The following NCBP2 variants were observed in gnomAD, a reference collection of about 807,000 sequenced individuals.
The protein encoded by NCBP2 is nuclear cap binding protein subunit 2, also known as nuclear cap-binding protein subunit 2.
Under a neutral mutation model 21.5 loss-of-function variants are expected in NCBP2, and 8 were observed. That is an observed-to-expected ratio of 0.37 (90% CI 0.22 to 0.67). The LOEUF is 0.67. Among genes scored for constraint, NCBP2 ranks in the 30% least tolerant of loss-of-function variants. NCBP2 has a pLI of 0.56. For missense variants in NCBP2, 127 were observed against 206.9 expected, an observed-to-expected ratio of 0.61 and a Z score of 2.37; for synonymous variants, 92 against 75.8, an observed-to-expected ratio of 1.21 and a Z score of -1.11.
intron 1 of NCBP2, chr3:196,941,596 T>C (rs150219568): frequency 6.0e-5 from 24 of 400,132 alleles, no homozygotes; most frequent in Non-Finnish European, 9.9e-5. Flanking sequence ...CTGTCTTCCC[T>C]CTCCCTCTAG....
intron 1 of NCBP2, chr3:196,942,215 C>T: frequency 6.9e-7 from 1 of 1,458,782 alleles, no homozygotes; most frequent in Non-Finnish European, 9.0e-7. Flanking sequence ...GATAAGCGAG[C>T]CTCCAGTTCC....
At chr3:196,937,826 A>G in intron 2 of NCBP2, 178 bp from the exon 3 acceptor site, 2 of 646,508 alleles carry the variant, frequency 3.1e-6, no homozygotes, top group Non-Finnish European at 5.4e-6. Flanking sequence ...CATAGAGTCA[A>G]ATATGACACG....
intron 1 of NCBP2, chr3:196,942,044 G>A (rs1716611333): frequency 2.6e-6 from 4 of 1,534,990 alleles, no homozygotes; most frequent in Middle Eastern, 3.6e-4. Context: ...TCTGCATCAG[G>A]AAGGCGCCTC....
In NCBP2 at chr3:196,937,522, T is replaced by A. The variant is rs765128229; in HGVS notation, c.387A>T (p.Arg129=). 7.7e-5 allele frequency: 124 copies of A among 1,614,002 alleles called. No homozygotes were observed. The highest frequency in any genetic ancestry group is 1.0e-4 in the Non-Finnish European group (118 of 1,180,036). Residue 129 remains arginine (R), a synonymous_variant, in exon 3 of 4, where the codon CGA becomes CGT. Transcript: ENST00000321256. ...FKEGRQYGRG[R]SGGQVRDEYR... is the part of the protein sequence containing the mutation. ...CCTTCTTGCATACCTGGCCCCCAGA[T>A]CGCCCACGGCCGTATTGCCTGCCCT...
intron 3 of NCBP2, 168 bp downstream of exon 3, chr3:196,937,341 GT>G: frequency 9.7e-7 from 1 of 1,032,898 alleles, no homozygotes; most frequent in Non-Finnish European, 1.4e-6. Flanking sequence ...CCATTTCACG[GT>G]TTAAAAAAAA....
At chr3:196,938,189 A>C (rs939036503) in intron 2 of NCBP2, 1 of 152,370 alleles carries the variant, frequency 6.6e-6, no homozygotes, top group Non-Finnish European at 1.5e-5. Context: ...ATCTGGAGAA[A>C]CTAGTATCTT....
rs896107788 is a variant in NCBP2 at position 196,936,174 on chromosome 3, T to C, written c.*837A>G. The C allele has an allele frequency of 1.3e-5, 2 of 152,202 alleles. No homozygotes were observed. The highest frequency in any genetic ancestry group is 2.9e-5 in the Non-Finnish European group (2 of 68,036). The allele number at this position is 152,202 out of a possible 1,614,324, so 9.4% of individuals were successfully genotyped here. ...TAGAGGTTCCCTCTATGACAAACCC[T>C]TGCTTTTTTTTAGCTTTAGGTATAA... On this transcript the variant is annotated 3_prime_UTR_variant, in exon 4 of 4. Transcript: ENST00000321256.
In NCBP2 at chr3:196,942,245, G is replaced by A. The variant is rs1189578576; in HGVS notation, c.78+181C>T. 4.1e-6 allele frequency: 6 copies of A among 1,470,508 alleles called. No individual in the cohort carries two copies. In the African/African-American group the frequency reaches 4.2e-5, roughly 10 times the overall value. The allele number at this position is 1,470,508 out of a possible 1,614,324, so 91.1% of individuals were successfully genotyped here. A position where few individuals can be genotyped will look rare whatever the true frequency, so the allele number is the denominator to read the frequency against. On this transcript the variant is annotated intron_variant, in intron 1 of 3. Transcript: ENST00000321256. Reference sequence around the variant, plus strand: ...AGTTCCCCGTCTTCCAGAGCAAGTGGCTTCAGTGATATCCAAGCGCCCTTC... The same window carrying A: ...AGTTCCCCGTCTTCCAGAGCAAGTGACTTCAGTGATATCCAAGCGCCCTTC...
intron 1 of NCBP2, chr3:196,940,201 T>C (rs1284476479): frequency 6.6e-6 from 1 of 152,168 alleles, no homozygotes; most frequent in African/African-American, 2.4e-5. Context: ...AAACCCTGTC[T>C]CTACTAAAAA....
intron 1 of NCBP2, 141 bp from the exon 2 acceptor site, chr3:196,939,573 A>G: frequency 1.4e-6 from 1 of 696,114 alleles, no homozygotes; most frequent in Admixed American, 3.0e-5. Context: ...TCCCTTGCCC[A>G]AAAAGGGGGA....
At chr3:196,938,029 A>G (rs996541541) in intron 2 of NCBP2, 2 of 182,268 alleles carry the variant, frequency 1.1e-5, no homozygotes, top group Admixed American at 5.4e-5. Flanking sequence ...TGCACGTGGA[A>G]TTGTGCTGCA....
chr3:196,941,873 C>T, intron 1 of NCBP2: 1 of 1,529,068 alleles, frequency 6.5e-7, no homozygotes, highest in Non-Finnish European at 8.8e-7. Context: ...GGCGGGTCCA[C>T]CTCCCCACTC....
intron 1 of NCBP2, chr3:196,939,918 G>C (rs1716450768): frequency 6.5e-6 from 1 of 152,894 alleles, no homozygotes; most frequent in South Asian, 2.1e-4. Context: ...ATCTTTCTCT[G>C]AGTTTAGGGG....
In NCBP2 at chr3:196,935,610, C is replaced by CAT. The variant is rs1430997259; in HGVS notation, c.*1400_*1401insAT. The CAT allele has an allele frequency of 6.6e-6, 1 of 152,190 alleles. No homozygotes were observed. The highest frequency in any genetic ancestry group is 1.5e-5 in the Non-Finnish European group (1 of 68,034). The allele number at this position is 152,190 out of a possible 1,614,324, so 9.4% of individuals were successfully genotyped here. ...CTTCCTAAGCACTTACAACTAGTTA[C>CAT]AGCTCTTTTAAAAATTCAGATTTCT... On this transcript the variant is annotated 3_prime_UTR_variant, in exon 4 of 4. Transcript: ENST00000321256.
chr3:196,940,750 C>T (rs542451257), intron 1 of NCBP2, among the ~76,000 whole-genome samples: 3 of 152,312 alleles, frequency 2.0e-5, no homozygotes, highest in Non-Finnish European at 4.4e-5. Context: ...GCTTTAAGTT[C>T]AAAATGGTCA....
chr3:196,939,101 C>G (rs965881725), intron 2 of NCBP2, 150 bp downstream of exon 2: 17 of 593,134 alleles, frequency 2.9e-5, no homozygotes, highest in Non-Finnish European at 4.7e-5. Context: ...TAAATAGTAT[C>G]AGCTTTACAG....
At chr3:196,942,207 T>C in intron 1 of NCBP2, 5 of 1,459,542 alleles carry the variant, frequency 3.4e-6, no homozygotes, top group Non-Finnish European at 4.5e-6. Context: ...GCGAATGGGA[T>C]AAGCGAGCCT....
intron 3 of NCBP2, 104 bp downstream of exon 3, chr3:196,937,406 G>T: frequency 6.5e-7 from 1 of 1,527,408 alleles, no homozygotes; most frequent in Non-Finnish European, 8.8e-7. Context: ...CAAGGTTATA[G>T]ACACAAAGTT....
At chr3:196,937,253 G>C (rs147068482) in intron 3 of NCBP2, 171 bp from the exon 4 acceptor site, 2 of 796,336 alleles carry the variant, frequency 2.5e-6, no homozygotes, top group Non-Finnish European at 4.1e-6. Flanking sequence ...TTTCATTTTA[G>C]ATGTTCCTGC....
Sources: allele counts gnomAD v4.1 joint callset (sites outside exome capture counted in the v4.1 genomes callset), GRCh38; gene constraint gnomAD v4.1.1; transcripts MANE v1.5; gene names NCBI Gene and HGNC (gene_info 2026-07-23, HGNC 2026-07-21).